Variants in PTPRD observed in about 807,000 individuals in gnomAD.
PTPRD encodes protein tyrosine phosphatase receptor type D.
A neutral mutation model predicts 214.5 loss-of-function variants in PTPRD; 34 were observed. That is an observed-to-expected ratio of 0.16 (90% CI 0.12 to 0.21). The LOEUF is 0.21. Among genes scored for constraint, PTPRD ranks in the 10% least tolerant of loss-of-function variants. PTPRD has a pLI of 1.00. For synonymous variants in PTPRD, 1,128 were observed against 845.7 expected (o/e 1.33, Z -5.79); for missense variants, 2,545 against 2,398.7 (o/e 1.06, Z -1.27).
chr9:8,689,533 C>T (rs965290997), intron 12 of PTPRD, among the ~76,000 whole-genome samples: 5 of 152,032 alleles, frequency 3.3e-5, no homozygotes, highest in Admixed American at 3.3e-4. Flanking sequence ...AAGGAAGAGG[C>T]AAAAGTGGGA....
chr9:9,724,968 T>G lies in PTPRD; in HGVS notation c.-287+9565A>C, dbSNP rs192399708. Among the ~76,000 whole-genome samples the G allele has an allele frequency of 1.7e-3, 253 of 152,006 alleles. 1 individual carries two copies. Among genetic ancestry groups the G allele is most frequent in the African/African-American group, 5.7e-3 (236 of 41,480 alleles). On this transcript the variant is annotated intron_variant, in intron 7 of 45. Transcript: ENST00000381196. ...ACCTGGCTTTGGGAGACTCGCAGAG[T>G]TTATTTGGTGTCCCTTCCTGCATTC...
At chr9:9,269,160 A>C (rs1029506042) in intron 9 of PTPRD, among the ~76,000 whole-genome samples, 1 of 151,380 alleles carries the variant, frequency 6.6e-6, no homozygotes, top group African/African-American at 2.4e-5. Context: ...ATACAACTCA[A>C]CAACAATAAA....
chr9:10,346,398 T>C (rs572643564), intron 2 of PTPRD, among the ~76,000 whole-genome samples: 1 of 152,226 alleles, frequency 6.6e-6, no homozygotes, highest in Admixed American at 6.5e-5. Context: ...TGTTTAGGAA[T>C]TGAAAATTGA....
chr9:9,148,681 A>G (rs1369187091), intron 10 of PTPRD, among the ~76,000 whole-genome samples: 1 of 152,224 alleles, frequency 6.6e-6, no homozygotes, highest in Non-Finnish European at 1.5e-5. Context: ...ACTCTAAGTG[A>G]AGCTATTGCT....
intron 11 of PTPRD, among the ~76,000 whole-genome samples, chr9:8,863,092 C>A (rs1276899903): frequency 3.3e-5 from 5 of 152,322 alleles, no homozygotes; most frequent in Middle Eastern, 3.4e-3. Flanking sequence ...AAATCCACAT[C>A]TTTCATAAAG....
chr9:10,572,079 G>A (rs1253395157), intron 2 of PTPRD, among the ~76,000 whole-genome samples: 2 of 152,038 alleles, frequency 1.3e-5, no homozygotes, highest in Non-Finnish European at 2.9e-5. Flanking sequence ...ACAGTGACAG[G>A]AAACATTGAA....
intron 4 of PTPRD, among the ~76,000 whole-genome samples, chr9:9,964,214 A>G (rs889342105): frequency 1.3e-5 from 2 of 152,170 alleles, no homozygotes; most frequent in Non-Finnish European, 1.5e-5. Flanking sequence ...TCAAGTCAAT[A>G]CTGAATTTAG....
intron 9 of PTPRD, among the ~76,000 whole-genome samples, chr9:9,230,415 A>C (rs7018892): frequency 6.6e-6 from 1 of 151,956 alleles, no homozygotes; most frequent in African/African-American, 2.4e-5. Flanking sequence ...CTGAGTAAAT[A>C]TAAGTACAGT....
At chr9:8,413,911 G>C (rs949974903) in intron 35 of PTPRD, among the ~76,000 whole-genome samples, 1 of 151,500 alleles carries the variant, frequency 6.6e-6, no homozygotes, top group Non-Finnish European at 1.5e-5. Flanking sequence ...TTAAATATTA[G>C]AAAAAAAATC....
At chr9:9,971,334 T>C (rs1026392208) in intron 4 of PTPRD, among the ~76,000 whole-genome samples, 5 of 152,148 alleles carry the variant, frequency 3.3e-5, no homozygotes, top group Admixed American at 6.5e-5. Context: ...TGTTGAGCGG[T>C]ATGGCTATAT....
At chr9:9,260,489 A>G (rs2099979615) in intron 9 of PTPRD, among the ~76,000 whole-genome samples, 1 of 151,876 alleles carries the variant, frequency 6.6e-6, no homozygotes, top group South Asian at 2.1e-4. Context: ...GCCTCTTGTC[A>G]TTTTAACGCT....
chr9:9,384,216 T>A (rs1285183921), intron 9 of PTPRD, among the ~76,000 whole-genome samples: 1 of 151,722 alleles, frequency 6.6e-6, no homozygotes, highest in Non-Finnish European at 1.5e-5. Flanking sequence ...GTATAGAAGA[T>A]GATGAATAAA....
intron 3 of PTPRD, among the ~76,000 whole-genome samples, chr9:10,324,421 T>A (rs905311731): frequency 3.3e-5 from 5 of 152,054 alleles, no homozygotes; most frequent in African/African-American, 1.2e-4. Flanking sequence ...GGCAAGTCGG[T>A]ATGACTTCAT....
chr9:9,682,852 A>G (rs1564519571), intron 7 of PTPRD, among the ~76,000 whole-genome samples: 1 of 151,758 alleles, frequency 6.6e-6, no homozygotes, highest in Non-Finnish European at 1.5e-5. Context: ...CAGTTCCACA[A>G]ATACTCCAGG....
intron 8 of PTPRD, among the ~76,000 whole-genome samples, chr9:9,547,254 C>T (rs1410772879): frequency 6.6e-6 from 1 of 152,088 alleles, no homozygotes; most frequent in Non-Finnish European, 1.5e-5. Flanking sequence ...TCATTCCTTA[C>T]AAACCTTTGT....
chr9:9,943,338 T>C (rs2091964512), intron 4 of PTPRD, among the ~76,000 whole-genome samples: 1 of 152,106 alleles, frequency 6.6e-6, no homozygotes, highest in South Asian at 2.1e-4. Flanking sequence ...AGTAGTCAGA[T>C]TAAAAGGGCT....
intron 5 of PTPRD, among the ~76,000 whole-genome samples, chr9:9,776,195 G>T (rs546352007): frequency 6.1e-4 from 93 of 152,128 alleles, no homozygotes; most frequent in African/African-American, 2.1e-3. Flanking sequence ...TTTCATTTTT[G>T]AATGTTTAGA....
rs1321061795 is a variant in PTPRD at position 8,321,522 on chromosome 9, TATATAAAA to T, written c.5535-1564_5535-1557del. 6.9e-4 allele frequency among the ~76,000 whole-genome samples: 91 copies of T among 131,404 alleles called. 3 individuals are homozygous for T. The highest frequency in any genetic ancestry group is 2.5e-3 in the African/African-American group (89 of 35,238). 86.2% of individuals were successfully genotyped at this position (131,404 alleles called of 152,430 possible). On this transcript the variant is annotated intron_variant, in intron 44 of 45. Coordinates refer to ENST00000381196, the MANE Select transcript of PTPRD (RefSeq NM_002839.4). ...ATATATATATATATATATATATATA[TATATAAAA>T]GGTATATGCATCGCAATTCCTTTAG...
intron 5 of PTPRD, among the ~76,000 whole-genome samples, chr9:9,837,836 T>C (rs2057228457): frequency 6.6e-6 from 1 of 152,214 alleles, no homozygotes; most frequent in South Asian, 2.1e-4. Context: ...GTTACATATG[T>C]ATACATGTGC....
Sources: gnomAD v4.1 joint callset for allele counts (sites outside exome capture counted in the v4.1 genomes callset) on GRCh38, gnomAD v4.1.1 for gene constraint, MANE v1.5 for transcripts, NCBI Gene and HGNC (gene_info 2026-07-23, HGNC 2026-07-21) for gene names.